The following CSGALNACT1 variants were observed in gnomAD, a reference collection of about 807,000 sequenced individuals.
CSGALNACT1 encodes beta4GalNAcT-1.
Under a neutral mutation model 51.0 loss-of-function variants are expected in CSGALNACT1, and 52 were observed. That is an observed-to-expected ratio of 1.02 (90% CI 0.82 to 1.29). CSGALNACT1 has a LOEUF of 1.29. Ranked by LOEUF, CSGALNACT1 falls within the 50% of genes most tolerant of loss-of-function variation. The pLI is 0.00. For synonymous variants in CSGALNACT1, 341 were observed against 254.4 expected, an observed-to-expected ratio of 1.34 and a Z score of -3.24; for missense variants, 935 against 679.2, an observed-to-expected ratio of 1.38 and a Z score of -4.19.
At chr8:19,433,923 T>C (rs1021588610) in intron 6 of CSGALNACT1, among the ~76,000 whole-genome samples, 1 of 152,190 alleles carries the variant, frequency 6.6e-6, no homozygotes, top group Non-Finnish European at 1.5e-5. Context: ...CCCCATTTTG[T>C]TTCACCACTG....
chr8:19,420,120 C>G (rs1387902831), intron 7 of CSGALNACT1, among the ~76,000 whole-genome samples: 1 of 152,198 alleles, frequency 6.6e-6, no homozygotes, highest in Non-Finnish European at 1.5e-5. Context: ...AACTATGAGT[C>G]CATTAAACCT....
intron 4 of CSGALNACT1, among the ~76,000 whole-genome samples, chr8:19,469,355 C>T (rs2067533790): frequency 6.6e-6 from 1 of 152,098 alleles, no homozygotes; most frequent in Admixed American, 6.5e-5. Flanking sequence ...TGCACCACTG[C>T]ACTGCAGCCT....
At chr8:19,488,243 C>T (rs909826468) in intron 4 of CSGALNACT1, among the ~76,000 whole-genome samples, 2 of 151,460 alleles carry the variant, frequency 1.3e-5, no homozygotes, top group Admixed American at 6.6e-5. Flanking sequence ...CCAGTTACTC[C>T]GGAGGCTGAG....
chr8:19,523,880 G>C (rs1450821604), intron 3 of CSGALNACT1, among the ~76,000 whole-genome samples: 3 of 152,184 alleles, frequency 2.0e-5, no homozygotes, highest in Admixed American at 6.5e-5. Flanking sequence ...GTTCAGAGGA[G>C]AGAAAGATCA....
At chr8:19,520,835 C>T (rs2080521269) in intron 3 of CSGALNACT1, among the ~76,000 whole-genome samples, 3 of 152,216 alleles carry the variant, frequency 2.0e-5, no homozygotes. Flanking sequence ...TGCAGACAGA[C>T]AAGGACGTTG....
chr8:19,574,645 C>A (rs2043755938), intron 3 of CSGALNACT1, among the ~76,000 whole-genome samples: 1 of 152,160 alleles, frequency 6.6e-6, no homozygotes, highest in African/African-American at 2.4e-5. Context: ...CAGTGCCCTC[C>A]AGCCCTGTAC....
chr8:19,430,584 G>A (rs1021231602), intron 6 of CSGALNACT1, among the ~76,000 whole-genome samples: 1 of 152,196 alleles, frequency 6.6e-6, no homozygotes, highest in Admixed American at 6.5e-5. Flanking sequence ...TATAGCAGTA[G>A]CAAAGTCTTA....
At chr8:19,636,496 G>GA (rs2056083647) in intron 1 of CSGALNACT1, among the ~76,000 whole-genome samples, 1 of 152,094 alleles carries the variant, frequency 6.6e-6, no homozygotes, top group Admixed American at 6.5e-5. Flanking sequence ...TATATAATTG[G>GA]AGTCACTTCA....
chr8:19,737,544 T>G (rs2064058043), intron 1 of CSGALNACT1, among the ~76,000 whole-genome samples: 2 of 149,048 alleles, frequency 1.3e-5, no homozygotes, highest in Admixed American at 1.3e-4. Flanking sequence ...AGAGAACAAC[T>G]GGAAAAACAA....
At chr8:19,662,252 G>A (rs1319326399) in intron 1 of CSGALNACT1, among the ~76,000 whole-genome samples, 2 of 151,850 alleles carry the variant, frequency 1.3e-5, no homozygotes, top group Non-Finnish European at 2.9e-5. Context: ...GCGTGGTAGT[G>A]TGCACCTGTA....
chr8:19,460,659 A>G (rs1168782012), intron 4 of CSGALNACT1, among the ~76,000 whole-genome samples: 1 of 152,218 alleles, frequency 6.6e-6, no homozygotes, highest in African/African-American at 2.4e-5. Flanking sequence ...CGGCAATGGA[A>G]TACAGTTTGA....
chr8:19,713,432 C>T (rs1174254184), intron 1 of CSGALNACT1, among the ~76,000 whole-genome samples: 2 of 152,000 alleles, frequency 1.3e-5, no homozygotes, highest in Non-Finnish European at 2.9e-5. Flanking sequence ...TGAATTGTGT[C>T]CCCACTAAAA....
chr8:19,598,055 G>A (rs1339886622), intron 2 of CSGALNACT1, among the ~76,000 whole-genome samples: 2 of 152,236 alleles, frequency 1.3e-5, no homozygotes, highest in Non-Finnish European at 2.9e-5. Flanking sequence ...GGAGGGTCAA[G>A]AGGAAGGGGA....
intron 3 of CSGALNACT1, among the ~76,000 whole-genome samples, chr8:19,510,706 G>C (rs1563818466): frequency 1.3e-5 from 2 of 152,184 alleles, no homozygotes; most frequent in African/African-American, 4.8e-5. Flanking sequence ...GGAGATGGGA[G>C]GATCTGAAAA....
intron 1 of CSGALNACT1, among the ~76,000 whole-genome samples, chr8:19,615,418 CTT>C (rs2052867664): frequency 6.6e-6 from 1 of 152,242 alleles, no homozygotes; most frequent in Non-Finnish European, 1.5e-5. Context: ...TGAACCCTCT[CTT>C]TGAGATTAAC....
chr8:19,557,878 C>T (rs2039824614), intron 3 of CSGALNACT1, among the ~76,000 whole-genome samples: 1 of 152,196 alleles, frequency 6.6e-6, no homozygotes, highest in Admixed American at 6.5e-5. Context: ...AACAGTATCT[C>T]ACACGTGGTA....
intron 3 of CSGALNACT1, among the ~76,000 whole-genome samples, chr8:19,585,584 C>T (rs2046443307): frequency 6.6e-6 from 1 of 152,144 alleles, no homozygotes; most frequent in Non-Finnish European, 1.5e-5. Context: ...GTGATACACC[C>T]CTTTACTATC....
intron 1 of CSGALNACT1, among the ~76,000 whole-genome samples, chr8:19,621,645 G>C (rs904482902): frequency 6.6e-6 from 1 of 152,012 alleles, no homozygotes; most frequent in Admixed American, 6.6e-5. Context: ...GCCAGGTGTG[G>C]TGGCAAGCAC....
intron 3 of CSGALNACT1, among the ~76,000 whole-genome samples, chr8:19,583,794 C>T (rs2046074244): frequency 6.6e-6 from 1 of 152,038 alleles, no homozygotes; most frequent in African/African-American, 2.4e-5. Context: ...TTGGAACTGC[C>T]AACAAAAAAA....
Sources: allele counts gnomAD v4.1 joint callset (sites outside exome capture counted in the v4.1 genomes callset), GRCh38; gene constraint gnomAD v4.1.1; transcripts MANE v1.5; gene names NCBI Gene and HGNC (gene_info 2026-07-23, HGNC 2026-07-21).